THEMIS: variants seen among roughly 807,000 people sequenced by gnomAD.
The protein encoded by THEMIS is thymocyte selection associated, also known as protein THEMIS.
THEMIS carries 37 observed loss-of-function variants against 52.6 expected under a neutral mutation model. That is an observed-to-expected ratio of 0.70 (90% CI 0.54 to 0.93). The LOEUF (loss-of-function observed/expected upper bound fraction) is 0.93. Among genes scored for constraint, THEMIS ranks in the 40% least tolerant of loss-of-function variants. The probability of loss-of-function intolerance (pLI) is 0.00; values close to 1 mark genes in which losing one functional copy is unlikely to be tolerated. For synonymous variants in THEMIS, 292 were observed against 272.7 expected (o/e 1.07, Z -0.70); for missense variants, 808 against 763.1 (o/e 1.06, Z -0.69).
chr6:127,888,519 T>C (rs1780711358), intron 1 of THEMIS, among the ~76,000 whole-genome samples: 1 of 152,130 alleles, frequency 6.6e-6, no homozygotes, highest in African/African-American at 2.4e-5. Context: ...TTCATATTTT[T>C]ATAAAAATTA....
upstream of THEMIS, chr6:127,901,196 G>A: frequency 1.9e-6 from 1 of 514,842 alleles, no homozygotes; most frequent in Non-Finnish European, 3.5e-6. Flanking sequence ...TGAACAGGAT[G>A]GGGGTGGGGT....
At chr6:127,863,544 A>C (rs923416503) in intron 1 of THEMIS, among the ~76,000 whole-genome samples, 1 of 152,202 alleles carries the variant, frequency 6.6e-6, no homozygotes, top group African/African-American at 2.4e-5. Context: ...AGAAGCCTTA[A>C]CATGTTTGAA....
At chr6:127,771,845 C>T (rs1013102272) in intron 4 of THEMIS, among the ~76,000 whole-genome samples, 5 of 152,080 alleles carry the variant, frequency 3.3e-5, no homozygotes, top group African/African-American at 1.2e-4. Context: ...CTATATCTTC[C>T]TCTTCCTTCC....
At chr6:127,817,003 A>G (rs1262726586) in intron 3 of THEMIS, among the ~76,000 whole-genome samples, 1 of 152,176 alleles carries the variant, frequency 6.6e-6, no homozygotes, top group Non-Finnish European at 1.5e-5. Flanking sequence ...CTCTAAATGC[A>G]CTATTTAAAA....
upstream of THEMIS, among the ~76,000 whole-genome samples, chr6:127,902,698 C>T (rs1467487121): frequency 6.6e-6 from 1 of 152,040 alleles, no homozygotes; most frequent in Admixed American, 6.6e-5. Flanking sequence ...TCAAATTCCT[C>T]ACTGGCAACT....
chr6:127,777,871 A>C (rs1273523467), intron 4 of THEMIS, among the ~76,000 whole-genome samples: 1 of 152,176 alleles, frequency 6.6e-6, no homozygotes, highest in Non-Finnish European at 1.5e-5. Context: ...ATAGACATCC[A>C]GAGTTCTATA....
chr6:127,699,115 A>C, the THEMIS span, among the ~76,000 whole-genome samples: 1 of 151,996 alleles, frequency 6.6e-6, no homozygotes, highest in South Asian at 2.1e-4. Context: ...TCACAGGATC[A>C]ATAGGAAATC....
At chr6:127,909,010 C>T (rs1329035953) in intron 1 of THEMIS, among the ~76,000 whole-genome samples, 3 of 151,530 alleles carry the variant, frequency 2.0e-5, no homozygotes, top group Non-Finnish European at 4.4e-5. Context: ...AATCAACTTT[C>T]CTTTTAGATT....
Position 127,829,736 on chromosome 6 carries a change from A to G in THEMIS, c.449T>C (p.Val150Ala), listed in dbSNP as rs1310485703. Reference sequence around the variant, plus strand: ...ATGATTCCTTGCTACTGCACAGCTCACCATTATTTCTCCATCAATCTCTTC... The same window carrying G: ...ATGATTCCTTGCTACTGCACAGCTCGCCATTATTTCTCCATCAATCTCTTC... Reference protein sequence around the residue: ...SVEEIDGEIMVSCAVARNHQT... With the variant: ...SVEEIDGEIMASCAVARNHQT... Residue 150 changes from valine (V) to alanine (A), a missense_variant, in exon 3 of 6, where the codon GTG becomes GCG. By Grantham distance (64) the Val-to-Ala change is moderately conservative. Transcript: ENST00000368248. 2 of 1,614,058 alleles carry G rather than the reference A, an allele frequency of 1.2e-6. No individual in the cohort carries two copies. Among genetic ancestry groups the G allele is most frequent in the Admixed American group, 3.3e-5 (2 of 60,010 alleles).
intron 1 of THEMIS, among the ~76,000 whole-genome samples, chr6:127,874,757 G>A (rs182248132): frequency 1.2e-3 from 184 of 152,280 alleles, no homozygotes; most frequent in Non-Finnish European, 2.2e-3. Flanking sequence ...AAGCAACATG[G>A]GTGATGTGAT....
intron 4 of THEMIS, among the ~76,000 whole-genome samples, chr6:127,763,479 A>G (rs1392864112): frequency 6.6e-6 from 1 of 152,000 alleles, no homozygotes; most frequent in Non-Finnish European, 1.5e-5. Flanking sequence ...TGCGTAACAA[A>G]GTAGGTTATA....
At chr6:127,781,179 G>T (rs377602525) in intron 4 of THEMIS, among the ~76,000 whole-genome samples, 11 of 151,274 alleles carry the variant, frequency 7.3e-5, no homozygotes, top group Non-Finnish European at 1.3e-4. Flanking sequence ...CTGCTTGATC[G>T]GTTTGGTTAT....
At chr6:127,802,169 C>A (rs1303256969) in intron 4 of THEMIS, among the ~76,000 whole-genome samples, 1 of 152,082 alleles carries the variant, frequency 6.6e-6, no homozygotes, top group African/African-American at 2.4e-5. Flanking sequence ...GGAAAAGATC[C>A]AAAGGCTTAG....
At chr6:127,892,498 G>T (rs999483155) in intron 1 of THEMIS, among the ~76,000 whole-genome samples, 1 of 152,096 alleles carries the variant, frequency 6.6e-6, no homozygotes, top group Admixed American at 6.6e-5. Flanking sequence ...GCTCCGAGAG[G>T]GGAGGGCTTT....
Position 127,791,323 on chromosome 6 carries a change from G to T in THEMIS, c.1758+21560C>A, listed in dbSNP as rs1319316818. Among the ~76,000 whole-genome samples, 5 of 152,186 alleles carry T rather than the reference G, an allele frequency of 3.3e-5. No homozygotes were observed. In the East Asian group the frequency reaches 9.7e-4, roughly 30 times the overall value. On this transcript the variant is annotated intron_variant, in intron 4 of 5. Transcript: ENST00000368248. ...GTCAGCAGAAAGGAGACCCACAGTG[G>T]GTAGCTCCTTTCTGCAGGCTGATTG...
At chr6:127,812,820 A>G in intron 4 of THEMIS, 63 bp downstream of exon 4, 3 of 1,473,880 alleles carry the variant, frequency 2.0e-6, no homozygotes, top group Non-Finnish European at 2.7e-6. Context: ...CTCAGAAAAG[A>G]CTTGAAACAA....
chr6:127,717,472 C>T (rs1774209911), intron 5 of THEMIS, among the ~76,000 whole-genome samples: 1 of 151,794 alleles, frequency 6.6e-6, no homozygotes. Context: ...GCATGGGCAT[C>T]ACTAAGCAAC....
chr6:127,872,317 A>G (rs983226143), intron 1 of THEMIS, among the ~76,000 whole-genome samples: 2 of 152,184 alleles, frequency 1.3e-5, no homozygotes, highest in Non-Finnish European at 2.9e-5. Context: ...CACACCTGTA[A>G]TCCCAGCACT....
At chr6:127,799,535 CTTT>C (rs1777451764) in intron 4 of THEMIS, among the ~76,000 whole-genome samples, 1 of 125,068 alleles carries the variant, frequency 8.0e-6, no homozygotes, top group Admixed American at 7.6e-5. Context: ...CTTTCTCTTT[CTTT>C]CTTTCTTTCT....
Sources: gnomAD v4.1 joint callset for allele counts (sites outside exome capture counted in the v4.1 genomes callset) on GRCh38, gnomAD v4.1.1 for gene constraint, MANE v1.5 for transcripts, NCBI Gene and HGNC (gene_info 2026-07-23, HGNC 2026-07-21) for gene names.